Variants in ALK observed in about 807,000 individuals in gnomAD.
ALK encodes ALK tyrosine kinase receptor.
ALK carries 74 observed loss-of-function variants against 163.1 expected under a neutral mutation model. The ratio of observed to expected loss-of-function variants is 0.45; its 90% CI spans 0.38 to 0.55. The LOEUF is 0.55. ALK is among the 20% of genes least tolerant of loss of function. The pLI is 0.00. For synonymous variants in ALK, 960 were observed against 843.2 expected, an observed-to-expected ratio of 1.14 and a Z score of -2.40; for missense variants, 2,063 against 2,105.3, an observed-to-expected ratio of 0.98 and a Z score of 0.39.
intron 2 of ALK, among the ~76,000 whole-genome samples, chr2:29,703,989 C>A (rs1233747001): frequency 6.6e-6 from 1 of 152,186 alleles, no homozygotes; most frequent in East Asian, 1.9e-4. Context: ...TACTGAACCA[C>A]CAGCTGTCAT....
intron 1 of ALK, among the ~76,000 whole-genome samples, chr2:29,762,375 C>G (rs1303137944): frequency 6.6e-6 from 1 of 152,168 alleles, no homozygotes; most frequent in Non-Finnish European, 1.5e-5. Flanking sequence ...TCATGATCTC[C>G]CTTCAAATGG....
Position 29,227,605 on chromosome 2 carries a change from T to C in ALK, c.2883A>G (p.Pro961=). The stretch of plus-strand genomic sequence containing the variant: ...AAGCTGGGGTGTACAGGATGCCCAG[T>C]GGACTGATGAAGGAAACCCCATCTT... ...DGEDGVSFIS[P]LGILYTPALK... Residue 961 remains proline (P), a synonymous_variant, in exon 17 of 29, where the codon CCA becomes CCG. Coordinates refer to ENST00000389048, the MANE Select transcript of ALK (RefSeq NM_004304.5). This position sits in a 1 kb window ranked among gnomAD's most constrained non-coding sequence, Gnocchi z 4.4. 6.2e-7 allele frequency: 1 copy of C among 1,614,054 alleles called. No individual in the cohort carries two copies. Among genetic ancestry groups the C allele is most frequent in the Non-Finnish European group, 8.5e-7 (1 of 1,179,992 alleles).
intron 1 of ALK, among the ~76,000 whole-genome samples, chr2:29,877,486 CA>C (rs1356411389): frequency 1.3e-5 from 2 of 152,202 alleles, no homozygotes; most frequent in African/African-American, 4.8e-5. Context: ...ATATAAACAC[CA>C]TGACAGCAGA....
intron 4 of ALK, among the ~76,000 whole-genome samples, chr2:29,459,791 A>C (rs1167169367): frequency 6.6e-6 from 1 of 152,174 alleles, no homozygotes; most frequent in Non-Finnish European, 1.5e-5. Flanking sequence ...CTGAATGTCT[A>C]AAAAACATTT....
At chr2:29,427,145 C>T (rs547306232) in intron 4 of ALK, among the ~76,000 whole-genome samples, 2 of 24,296 alleles carry the variant, frequency 8.2e-5, no homozygotes, top group Non-Finnish European at 1.0e-4. Context: ...TGATAATAAC[C>T]GCACAAAGGA....
intron 12 of ALK, among the ~76,000 whole-genome samples, chr2:29,247,731 CTCCCT>C (rs749982737): frequency 1.3e-5 from 2 of 152,156 alleles, no homozygotes; most frequent in Non-Finnish European, 2.9e-5. Flanking sequence ...GTAGCATTCG[CTCCCT>C]TCCCTTCACC....
At chr2:29,649,122 A>G (rs1163354103) in intron 3 of ALK, among the ~76,000 whole-genome samples, 4 of 151,926 alleles carry the variant, frequency 2.6e-5, no homozygotes, top group Non-Finnish European at 5.9e-5. Flanking sequence ...TTATAATTAT[A>G]TGATATTGTG....
intron 1 of ALK, among the ~76,000 whole-genome samples, chr2:29,904,094 A>T (rs528786762): frequency 2.0e-5 from 3 of 152,330 alleles, no homozygotes; most frequent in Admixed American, 2.0e-4. Context: ...CCCTCTTTCC[A>T]CTGCTTCAAC....
At chr2:29,589,381 T>C (rs74716396) in intron 3 of ALK, among the ~76,000 whole-genome samples, 5,610 of 152,248 alleles carry the variant, frequency 0.037, 361 homozygotes, top group African/African-American at 0.13. Context: ...GGAGGATCTC[T>C]AGTCCTACCT....
chr2:29,396,603 G>A (rs1336550383), intron 4 of ALK, among the ~76,000 whole-genome samples: 1 of 152,060 alleles, frequency 6.6e-6, no homozygotes, highest in African/African-American at 2.4e-5. Flanking sequence ...GAACCCAGGA[G>A]GCTGAGAGTT....
chr2:29,256,229 A>G (rs1664945702), intron 11 of ALK, among the ~76,000 whole-genome samples: 1 of 152,136 alleles, frequency 6.6e-6, no homozygotes, highest in Non-Finnish European at 1.5e-5. Context: ...GTGCTTCCTG[A>G]CTTGTTTTGT....
At position 29,849,416 on chromosome 2, in the gene ALK, G is replaced by C. The variant is rs182499259; in HGVS notation, c.667+70577C>G. On this transcript the variant is annotated intron_variant, in intron 1 of 28. Transcript: ENST00000389048. ...AGGGACTACCCACAGAGCTGTGGCAGAATTACAGGAGGCAGGAGGCGGAAC... is the reference window on the plus strand; with the variant it reads ...AGGGACTACCCACAGAGCTGTGGCACAATTACAGGAGGCAGGAGGCGGAAC... Among the ~76,000 whole-genome samples, 4 of 152,342 alleles carry C rather than the reference G, an allele frequency of 2.6e-5. No homozygotes were observed. The East Asian group carries it at 7.7e-4, about 29-fold the overall frequency.
rs1670277616 is a variant in ALK at position 29,431,731 on chromosome 2, T to G, written c.1155-47872A>C. On this transcript the variant is annotated intron_variant, in intron 4 of 28. Transcript: ENST00000389048. ...GTGATGGTGCTGGCAGATATGGGGT[T>G]CCACAAAGCTCCTGCAGTCATTGTG... Among the ~76,000 whole-genome samples, 6 of 152,242 alleles carry G rather than the reference T, an allele frequency of 3.9e-5. No individual in the cohort carries two copies. The South Asian group carries it at 1.2e-3, about 32-fold the overall frequency.
rs776163340 is a variant in ALK, at chr2:29,675,418, C to A, written c.952+19432G>T. 1.8e-3 allele frequency among the ~76,000 whole-genome samples: 271 copies of A among 151,882 alleles called. 4 individuals carry two copies. The highest frequency in any genetic ancestry group is 2.1e-3 in the Non-Finnish European group (140 of 67,912). The stretch of plus-strand genomic sequence containing the variant: ...AATCAAGTGAAGGAAAGAGTGACAA[C>A]TGTGAGATCCTGAGAGTTTCCCCTT... On this transcript the variant is annotated intron_variant, in intron 3 of 28. Transcript: ENST00000389048.
At chr2:29,618,576 T>C (rs376308541) in intron 3 of ALK, among the ~76,000 whole-genome samples, 47 of 152,052 alleles carry the variant, frequency 3.1e-4, no homozygotes, top group East Asian at 1.9e-3. Flanking sequence ...ATTTTTAGGA[T>C]TCTAAGCCAC....
intron 4 of ALK, among the ~76,000 whole-genome samples, chr2:29,387,617 A>G (rs1010063891): frequency 2.6e-5 from 4 of 152,182 alleles, no homozygotes; most frequent in African/African-American, 4.8e-5. Context: ...AAGTTCCCTA[A>G]GGGCCCTTAT....
intron 3 of ALK, among the ~76,000 whole-genome samples, chr2:29,562,385 C>T (rs954782044): frequency 6.6e-6 from 1 of 152,190 alleles, no homozygotes. Flanking sequence ...CACTATACAT[C>T]CCATTTCCTT....
chr2:29,452,243 C>G lies in ALK; in HGVS notation c.1155-68384G>C, dbSNP rs116836771. On this transcript the variant is annotated intron_variant, in intron 4 of 28. Coordinates refer to ENST00000389048, the MANE Select transcript of ALK (RefSeq NM_004304.5). The stretch of plus-strand genomic sequence containing the variant: ...GCCTGGCTGATTTCCTTTTCTCCAA[C>G]AGGCCTGGCTTGTTCTGGCTTCAAG... Among the ~76,000 whole-genome samples, 800 of 152,306 alleles carry G rather than the reference C, an allele frequency of 5.3e-3. 14 individuals carry two copies. Among genetic ancestry groups the G allele is most frequent in the African/African-American group, 0.019 (773 of 41,560 alleles).
rs1270019179 is a variant in ALK at position 29,345,451 on chromosome 2, T to TAAAA, written c.1283-16971_1283-16970insTTTT. 4.1e-5 allele frequency among the ~76,000 whole-genome samples: 6 copies of TAAAA among 146,632 alleles called. No homozygotes were observed. The East Asian group carries it at 1.2e-3, about 28-fold the overall frequency. On this transcript the variant is annotated intron_variant, in intron 5 of 28. Coordinates refer to ENST00000389048, the MANE Select transcript of ALK (RefSeq NM_004304.5). The stretch of plus-strand genomic sequence containing the variant: ...ATAAATAAATAAATAAATAAATAAA[T>TAAAA]AAATAAAAATAATACTCAGTCCTAG...
Sources: allele counts gnomAD v4.1 joint callset (sites outside exome capture counted in the v4.1 genomes callset), GRCh38; gene constraint gnomAD v4.1.1; non-coding constraint Gnocchi (gnomAD v3.1); transcripts MANE v1.5; gene names NCBI Gene and HGNC (gene_info 2026-07-23, HGNC 2026-07-21).